The following PIK3R5 variants were observed in gnomAD, a reference collection of about 807,000 sequenced individuals.
The protein encoded by PIK3R5 is phosphoinositide 3-kinase regulatory subunit 5.
A neutral mutation model predicts 94.9 loss-of-function variants in PIK3R5; 32 were observed. The ratio of observed to expected loss-of-function variants is 0.34; its 90% CI spans 0.25 to 0.45. PIK3R5 has a LOEUF of 0.45. Among genes scored for constraint, PIK3R5 ranks in the 20% least tolerant of loss-of-function variants. PIK3R5 has a pLI of 1.00. For synonymous variants in PIK3R5, 443 were observed against 479.4 expected, an observed-to-expected ratio of 0.92 and a Z score of 0.99; for missense variants, 853 against 1,144.6, an observed-to-expected ratio of 0.75 and a Z score of 3.68.
chr17:8,954,694 G>A (rs1171787468), intron 1 of PIK3R5, among the ~76,000 whole-genome samples: 1 of 152,106 alleles, frequency 6.6e-6, no homozygotes, highest in African/African-American at 2.4e-5. Flanking sequence ...CCAGCACTTC[G>A]GGAGGCCGAG....
chr17:8,947,230 A>G (rs1327136549), intron 1 of PIK3R5, among the ~76,000 whole-genome samples: 1 of 152,178 alleles, frequency 6.6e-6, no homozygotes, highest in African/African-American at 2.4e-5. Flanking sequence ...ATTAGGTTGG[A>G]GCCGGGCTCT....
At chr17:8,947,810 G>A (rs12939819) in intron 1 of PIK3R5, among the ~76,000 whole-genome samples, 88,631 of 151,922 alleles carry the variant, frequency 0.58, 28,770 homozygotes, top group Non-Finnish European at 0.73. Flanking sequence ...TTGGGAGGCC[G>A]AGGCCGGTGG....
At chr17:8,944,439 C>T (rs1231643162) in intron 1 of PIK3R5, among the ~76,000 whole-genome samples, 1 of 152,210 alleles carries the variant, frequency 6.6e-6, no homozygotes. Flanking sequence ...ATTTCTCAAA[C>T]AGGGAACATA....
At chr17:8,886,352 G>T in intron 13 of PIK3R5, 30 bp from the exon 14 acceptor site, 2 of 1,602,010 alleles carry the variant, frequency 1.2e-6, no homozygotes, top group Non-Finnish European at 1.7e-6. Context: ...GTACATCAGT[G>T]TGAACCTCCT....
chr17:8,920,567 T>C (rs2090721156), intron 1 of PIK3R5, among the ~76,000 whole-genome samples: 1 of 152,244 alleles, frequency 6.6e-6, no homozygotes. Context: ...TCAGCTGCTC[T>C]CCTCAAGGCT....
intron 15 of PIK3R5, among the ~76,000 whole-genome samples, chr17:8,883,839 A>G (rs1454184163): frequency 6.6e-6 from 1 of 152,122 alleles, no homozygotes; most frequent in African/African-American, 2.4e-5. Flanking sequence ...CACTCTTAGG[A>G]AGGCTCCAGG....
At chr17:8,894,806 C>T (rs941388194) in intron 5 of PIK3R5, among the ~76,000 whole-genome samples, 1 of 149,728 alleles carries the variant, frequency 6.7e-6, no homozygotes, top group African/African-American at 2.5e-5. Flanking sequence ...CCATCGAGAG[C>T]AGGGCCACTC....
chr17:8,932,243 T>A (rs943562190), intron 1 of PIK3R5, among the ~76,000 whole-genome samples: 6 of 152,248 alleles, frequency 3.9e-5, no homozygotes, highest in East Asian at 1.9e-4. Flanking sequence ...CCTTTTTTTT[T>A]TTATTTTTGA....
Position 8,935,881 on chromosome 17 carries a change from G to A in PIK3R5, c.-13-24374C>T, listed in dbSNP as rs1244602028. On this transcript the variant is annotated intron_variant, in intron 1 of 18. Coordinates refer to ENST00000447110, the MANE Select transcript of PIK3R5 (RefSeq NM_001142633.3). This position sits in a 1 kb window ranked among gnomAD's most constrained non-coding sequence, Gnocchi z 4.5. ...TATACTGGCTAACGCAGTGAAACCC[G>A]ATCTCTACTAAAAATACAAAAAATT... Among the ~76,000 whole-genome samples the A allele has an allele frequency of 6.6e-6, 1 of 151,870 alleles. No individual in the cohort carries two copies. Among genetic ancestry groups the A allele is most frequent in the Non-Finnish European group, 1.5e-5 (1 of 67,948 alleles).
rs932980177 is a variant in PIK3R5 at position 8,882,289 on chromosome 17, G to A, written c.2206-408C>T. ...TCAGGGACCTCCATGTTGTTAAACCGAAGAACACTTCTTGGTCCTCAGCTT... is the reference window on the plus strand; with the variant it reads ...TCAGGGACCTCCATGTTGTTAAACCAAAGAACACTTCTTGGTCCTCAGCTT... On this transcript the variant is annotated intron_variant, in intron 15 of 18. Transcript: ENST00000447110. This position sits in a 1 kb window ranked among gnomAD's most constrained non-coding sequence, Gnocchi z 4.1. 11 of 204,436 alleles carry A rather than the reference G, an allele frequency of 5.4e-5. No homozygotes were observed. Among genetic ancestry groups the A allele is most frequent in the Non-Finnish European group, 1.0e-4 (10 of 97,896 alleles). 12.7% of individuals were successfully genotyped at this position (204,436 alleles called of 1,614,324 possible).
rs61759569 is a variant in PIK3R5 at position 8,911,736 on chromosome 17, A to G, written c.-13-229T>C. On this transcript the variant is annotated intron_variant, in intron 1 of 18. Coordinates refer to ENST00000447110, the MANE Select transcript of PIK3R5 (RefSeq NM_001142633.3). This position sits in a 1 kb window ranked among gnomAD's most constrained non-coding sequence, Gnocchi z 5.3. ...CAGAGCACCCCTGCAGCAGAACGGGACAGAGGTGTGGGAAGTAAGGGGTCA... is the reference window on the plus strand; with the variant it reads ...CAGAGCACCCCTGCAGCAGAACGGGGCAGAGGTGTGGGAAGTAAGGGGTCA... 22,814 of 471,586 alleles carry G rather than the reference A, an allele frequency of 0.048. 685 individuals carry two copies. The highest frequency in any genetic ancestry group is 0.067 in the Non-Finnish European group (17,390 of 259,596). 29.2% of individuals were successfully genotyped at this position (471,586 alleles called of 1,614,324 possible).
Position 8,887,128 on chromosome 17 carries a change from G to T in PIK3R5, c.1873C>A (p.Leu625Ile), listed in dbSNP as rs2089880038. 1.2e-6 allele frequency: 2 copies of T among 1,614,070 alleles called. No individual in the cohort carries two copies. Among genetic ancestry groups the T allele is most frequent in the Admixed American group, 1.7e-5 (1 of 60,024 alleles). Residue 625 changes from leucine (L) to isoleucine (I), a missense_variant, in exon 12 of 19, where the codon CTC becomes ATC. By Grantham distance (5) the Leu-to-Ile change is conservative. This residue lies in a region of PIK3R5 where 173 missense variants were observed against 274.1 expected (regional missense o/e 0.63). Transcript: ENST00000447110. Reference protein sequence around the residue: ...DPWYERNVLGLMHLPPEVLCQ... With the variant: ...DPWYERNVLGIMHLPPEVLCQ... The stretch of plus-strand genomic sequence containing the variant: ...AGGACTTCAGGGGGCAGGTGCATGA[G>T]GCCCAGTACATTGCGCTCATACCAG...
chr17:8,924,693 A>T (rs532162910), intron 1 of PIK3R5, among the ~76,000 whole-genome samples: 14 of 152,282 alleles, frequency 9.2e-5, no homozygotes, highest in African/African-American at 3.4e-4. Flanking sequence ...ACTCCTGCCC[A>T]ATTATGCAAG....
intron 6 of PIK3R5, among the ~76,000 whole-genome samples, chr17:8,891,331 T>G (rs1567638667): frequency 6.6e-6 from 1 of 152,192 alleles, no homozygotes; most frequent in Non-Finnish European, 1.5e-5. Context: ...AACGTGGTGC[T>G]GTGCAGTGTG....
chr17:8,920,046 G>C (rs932330926), intron 1 of PIK3R5, among the ~76,000 whole-genome samples: 26 of 151,928 alleles, frequency 1.7e-4, no homozygotes, highest in African/African-American at 6.0e-4. Context: ...ACCATACCAG[G>C]CTAATTATTC....
At chr17:8,891,473 T>C (rs1183473582) in intron 6 of PIK3R5, among the ~76,000 whole-genome samples, 1 of 152,188 alleles carries the variant, frequency 6.6e-6, no homozygotes, top group Non-Finnish European at 1.5e-5. Context: ...CCCAAAGCCA[T>C]GATACAGGCT....
chr17:8,900,986 C>T lies in PIK3R5; in HGVS notation c.412+3791G>A, dbSNP rs1007076104. ...TCGGTCTTTGGTGGAAACCCAACGC[C>T]CTGCCAAGACATTTGCATTTTAAAT... is the stretch of plus-strand genomic sequence containing the variant. On this transcript the variant is annotated intron_variant, in intron 5 of 18. Transcript: ENST00000447110. 2.0e-5 allele frequency among the ~76,000 whole-genome samples: 3 copies of T among 152,162 alleles called. No homozygotes were observed. The East Asian group carries it at 5.8e-4, about 29-fold the overall frequency.
At position 8,964,207 on chromosome 17, in the gene PIK3R5, C is replaced by G. The variant is rs1352488277; in HGVS notation, c.-14+1389G>C. The stretch of plus-strand genomic sequence containing the variant: ...AGGAATTTGGGACCAACCTGGGCAA[C>G]ATGGCAAAACCCTGCCTCTACAAAA... On this transcript the variant is annotated intron_variant, in intron 1 of 18. Coordinates refer to ENST00000447110, the MANE Select transcript of PIK3R5 (RefSeq NM_001142633.3). Among the ~76,000 whole-genome samples the G allele has an allele frequency of 1.3e-5, 2 of 152,090 alleles. 1 individual carries two copies. The highest frequency in any genetic ancestry group is 2.9e-5 in the Non-Finnish European group (2 of 68,016).
rs1286000247 is a variant in PIK3R5, at chr17:8,958,764, T to C, written c.-14+6832A>G. On this transcript the variant is annotated intron_variant, in intron 1 of 18. Coordinates refer to ENST00000447110, the MANE Select transcript of PIK3R5 (RefSeq NM_001142633.3). ...CACCTTTTTTTTTCTCTCTCTCTTT[T>C]TTTTTTTTTCTGAGATGAAGTTTCC... Among the ~76,000 whole-genome samples, 4 of 151,930 alleles carry C rather than the reference T, an allele frequency of 2.6e-5. No homozygotes were observed. The East Asian group carries it at 5.8e-4, about 22-fold the overall frequency.
Sources: allele counts gnomAD v4.1 joint callset (sites outside exome capture counted in the v4.1 genomes callset), GRCh38; gene constraint gnomAD v4.1.1; regional missense constraint gnomAD v4.1.1; non-coding constraint Gnocchi (gnomAD v3.1); transcripts MANE v1.5; gene names NCBI Gene and HGNC (gene_info 2026-07-23, HGNC 2026-07-21).